CDK5RAP1: variants seen among roughly 807,000 people sequenced by gnomAD.
CDK5RAP1 encodes the protein mitochondrial tRNA methylthiotransferase CDK5RAP1.
A neutral mutation model predicts 64.5 loss-of-function variants in CDK5RAP1; 62 were observed. That is an observed-to-expected ratio of 0.96 (90% CI 0.78 to 1.19). The LOEUF (loss-of-function observed/expected upper bound fraction) is 1.19. Ranked by LOEUF, CDK5RAP1 falls within the 50% of genes most tolerant of loss-of-function variation. The pLI, the probability that CDK5RAP1 is intolerant of heterozygous loss-of-function variation, is 0.00. For synonymous variants in CDK5RAP1, 250 were observed against 261.9 expected (o/e 0.95, Z 0.44); for missense variants, 657 against 735.0 (o/e 0.89, Z 1.23).
At chr20:33,393,448 GAAGA>G (rs1399049076) in intron 4 of CDK5RAP1, among the ~76,000 whole-genome samples, 2 of 151,958 alleles carry the variant, frequency 1.3e-5, no homozygotes, top group Non-Finnish European at 1.5e-5. Flanking sequence ...CCAGGCCATG[GAAGA>G]AGGGTTCATT....
At chr20:33,379,436 T>C in intron 8 of CDK5RAP1, 25 bp downstream of exon 8, 2 of 1,531,204 alleles carry the variant, frequency 1.3e-6, no homozygotes, top group Non-Finnish European at 1.8e-6. Flanking sequence ...TAATATCAGT[T>C]TGTCACAGCT....
chr20:33,390,181 G>A (rs1179260968), intron 5 of CDK5RAP1, among the ~76,000 whole-genome samples: 1 of 151,698 alleles, frequency 6.6e-6, no homozygotes, highest in African/African-American at 2.4e-5. Context: ...GGCTGAGGCA[G>A]GAGGATTGCT....
In CDK5RAP1 at chr20:33,370,583, C is replaced by A. The variant is rs750146436; in HGVS notation, c.1308G>T (p.Thr436=). 36 of 1,614,002 alleles carry A rather than the reference C, an allele frequency of 2.2e-5. No individual in the cohort carries two copies. Among genetic ancestry groups the A allele is most frequent in the Non-Finnish European group, 3.0e-5 (35 of 1,180,006 alleles). ...AGACTGTCTGGACGTGATCTTCCTCCGTCTCACCACAAAAGCCAGCAATGA... is the reference window on the plus strand; with the variant it reads ...AGACTGTCTGGACGTGATCTTCCTCAGTCTCACCACAAAAGCCAGCAATGA... ...SDFIAGFCGE[T]EEDHVQTVSL... is the part of the protein sequence containing the mutation. Residue 436 remains threonine, a synonymous_variant, in exon 11 of 14, where the codon ACG becomes ACT. Coordinates refer to ENST00000346416, the MANE Select transcript of CDK5RAP1 (RefSeq NM_016408.4).
chr20:33,386,224 C>T (rs537826566), intron 6 of CDK5RAP1, among the ~76,000 whole-genome samples: 5 of 152,076 alleles, frequency 3.3e-5, no homozygotes, highest in African/African-American at 4.8e-5. Flanking sequence ...CCACCACGCC[C>T]GGCTAATTTT....
At position 33,359,082 on chromosome 20, in the gene CDK5RAP1, G is replaced by A; in HGVS notation, c.1725C>T (p.Leu575=). Residue 575 remains leucine, a synonymous_variant, in exon 14 of 14, where the codon CTC becomes CTT. Transcript: ENST00000346416. ...AAGAGTCCCTCAGAGTGGTCCTGCAGAGAACATGTCCCCTAAGTGTCTGAG... is the reference window on the plus strand; with the variant it reads ...AAGAGTCCCTCAGAGTGGTCCTGCAAAGAACATGTCCCCTAAGTGTCTGAG... ...ASSQTLRGHV[L]CRTTLRDSSA... The A allele has an allele frequency of 6.2e-7, 1 of 1,614,012 alleles. No homozygotes were observed. Among genetic ancestry groups the A allele is most frequent in the South Asian group, 1.1e-5 (1 of 91,080 alleles).
intron 8 of CDK5RAP1, 40 bp downstream of exon 8, chr20:33,379,421 A>C: frequency 6.9e-7 from 1 of 1,445,624 alleles, no homozygotes; most frequent in Non-Finnish European, 9.7e-7. Context: ...CATGCTCAAG[A>C]ATACTAATAT....
intron 8 of CDK5RAP1, among the ~76,000 whole-genome samples, chr20:33,375,409 A>G (rs1363998926): frequency 6.7e-6 from 1 of 149,176 alleles, no homozygotes; most frequent in South Asian, 2.1e-4. Flanking sequence ...CTCAAAAAAA[A>G]AAAAAAAAGA....
intron 4 of CDK5RAP1, among the ~76,000 whole-genome samples, chr20:33,392,554 A>G (rs780132992): frequency 4.0e-5 from 6 of 149,136 alleles, no homozygotes; most frequent in South Asian, 2.1e-4. Flanking sequence ...TCTTCTTCCA[A>G]TGTGGCCCAG....
In CDK5RAP1 at chr20:33,392,221, G is replaced by C; in HGVS notation, c.465C>G (p.Ile155Met). 1 of 1,613,588 alleles carries C rather than the reference G, an allele frequency of 6.2e-7. No homozygotes were observed. The highest frequency in any genetic ancestry group is 8.5e-7 in the Non-Finnish European group (1 of 1,179,514). Residue 155 changes from isoleucine (I) to methionine (M), a missense_variant, in exon 5 of 14, where the codon ATC becomes ATG. Transcript: ENST00000346416. ...CSIREKAEQTIWNRLHQLKAL... is the reference protein window; with the variant it reads ...CSIREKAEQTMWNRLHQLKAL... ...CTTTAAGCTGATGTAAACGGTTCCA[G>C]ATGGTCTGCTCAGCCTTCTCCCTAG...
intron 5 of CDK5RAP1, among the ~76,000 whole-genome samples, chr20:33,391,621 A>G (rs1446644283): frequency 1.3e-5 from 2 of 152,172 alleles, no homozygotes; most frequent in Non-Finnish European, 2.9e-5. Context: ...CAGGAGTTCG[A>G]GACCAGCCTG....
chr20:33,399,473 TTGC>T (rs1825417095), intron 1 of CDK5RAP1, among the ~76,000 whole-genome samples: 1 of 152,210 alleles, frequency 6.6e-6, no homozygotes, highest in African/African-American at 2.4e-5. Flanking sequence ...TCATCACACT[TTGC>T]TGTTAATTAT....
intron 1 of CDK5RAP1, among the ~76,000 whole-genome samples, 163 bp downstream of exon 1, chr20:33,401,265 T>A (rs1772147278): frequency 1.3e-5 from 2 of 152,080 alleles, no homozygotes; most frequent in Admixed American, 6.6e-5. Flanking sequence ...GGCGGCGGGG[T>A]TAGGGTACGA....
chr20:33,361,791 A>C (rs1286167140), intron 12 of CDK5RAP1, among the ~76,000 whole-genome samples: 1 of 151,992 alleles, frequency 6.6e-6, no homozygotes, highest in Non-Finnish European at 1.5e-5. Flanking sequence ...CCCCGTCTCT[A>C]CTGAAAACAC....
chr20:33,388,759 C>T (rs934263299), intron 5 of CDK5RAP1, among the ~76,000 whole-genome samples: 2 of 152,100 alleles, frequency 1.3e-5, no homozygotes, highest in East Asian at 1.9e-4. Context: ...CGAGTGCCTG[C>T]GATTGCAGGC....
At chr20:33,387,653 G>C in intron 5 of CDK5RAP1, 120 bp from the exon 6 acceptor site, 1 of 718,062 alleles carries the variant, frequency 1.4e-6, no homozygotes, top group South Asian at 1.8e-5. Context: ...ACTTCTCTAA[G>C]AATTGAGTAT....
At chr20:33,386,230 A>G (rs1340339881) in intron 6 of CDK5RAP1, among the ~76,000 whole-genome samples, 2 of 151,912 alleles carry the variant, frequency 1.3e-5, no homozygotes, top group Non-Finnish European at 2.9e-5. Flanking sequence ...CGCCCGGCTA[A>G]TTTTTGTATT....
intron 7 of CDK5RAP1, among the ~76,000 whole-genome samples, chr20:33,382,340 A>C (rs1433249616): frequency 1.3e-5 from 2 of 152,238 alleles, no homozygotes; most frequent in East Asian, 1.9e-4. Flanking sequence ...GGAATGAGAC[A>C]GTATTTAGCA....
At position 33,387,542 on chromosome 20, in the gene CDK5RAP1, G is replaced by C. The variant is rs188759469; in HGVS notation, c.545-9C>G. The C allele has an allele frequency of 1.5e-4, 241 of 1,610,516 alleles. No individual in the cohort carries two copies. Among genetic ancestry groups the C allele is most frequent in the Non-Finnish European group, 1.8e-4 (215 of 1,177,418 alleles). On this transcript the variant is annotated splice_polypyrimidine_tract_variant and intron_variant, in intron 5 of 13. Coordinates refer to ENST00000346416, the MANE Select transcript of CDK5RAP1 (RefSeq NM_016408.4). ...CCTCTCAGCCATGCAGCCTGGAAGG[G>C]AAAAAGAAACAAGCACCTTTCCCCA... is the stretch of plus-strand genomic sequence containing the variant.
intron 4 of CDK5RAP1, among the ~76,000 whole-genome samples, chr20:33,392,952 T>G (rs770821095): frequency 4.6e-5 from 7 of 151,892 alleles, no homozygotes; most frequent in Admixed American, 1.3e-4. Context: ...CGATCTCGGC[T>G]CACTGCAACC....
Sources: gnomAD v4.1 joint callset for allele counts (sites outside exome capture counted in the v4.1 genomes callset) on GRCh38, gnomAD v4.1.1 for gene constraint, MANE v1.5 for transcripts, NCBI Gene and HGNC (gene_info 2026-07-23, HGNC 2026-07-21) for gene names.